GATAD1: variants seen among roughly 807,000 people sequenced by gnomAD.
The protein encoded by GATAD1 is GATA zinc finger domain containing 1.
A neutral mutation model predicts 26.5 loss-of-function variants in GATAD1; 12 were observed. The ratio of observed to expected loss-of-function variants is 0.45; its 90% confidence interval spans 0.29 to 0.73. The LOEUF (loss-of-function observed/expected upper bound fraction) is 0.73, where lower values mean the gene tolerates loss of function less well. Ranked by LOEUF, GATAD1 falls within the 30% of genes least tolerant of loss-of-function variation. GATAD1 has a pLI of 0.10. For missense variants in GATAD1, 266 were observed against 342.1 expected (o/e 0.78, Z 1.75); for synonymous variants, 129 against 133.1 (o/e 0.97, Z 0.21).
chr7:92,448,662 C>T, intron 1 of GATAD1, 90 bp from the exon 2 acceptor site: 1 of 1,000,166 alleles, frequency 1.0e-6, no homozygotes, highest in South Asian at 1.3e-5. Flanking sequence ...AAAGTACATA[C>T]TCTGGGATCC....
rs1789791506 is a variant in GATAD1 at position 92,458,679 on chromosome 7, A to G, written c.*2117A>G. The G allele has an allele frequency of 6.6e-6, 1 of 152,190 alleles. No individual in the cohort carries two copies. The highest frequency in any genetic ancestry group is 1.5e-5 in the Non-Finnish European group (1 of 68,030). The allele number at this position is 152,190 out of a possible 1,614,324, so 9.4% of individuals were successfully genotyped here. A position where few individuals can be genotyped will look rare whatever the true frequency, so the allele number is the denominator to read the frequency against. On this transcript the variant is annotated 3_prime_UTR_variant, in exon 5 of 5. Transcript: ENST00000287957. ...GCTTTAACTCTTACCCTTTTTCCAC[A>G]TAGTTATGGTGTTTGAGTTGGAAAG...
At chr7:92,448,684 T>G in intron 1 of GATAD1, 68 bp from the exon 2 acceptor site, 1 of 1,208,962 alleles carries the variant, frequency 8.3e-7, no homozygotes, top group South Asian at 1.2e-5. Flanking sequence ...TGTAAGATGA[T>G]TGTACTGCAA....
chr7:92,489,881 T>C, the GATAD1 span: 3 of 1,614,068 alleles, frequency 1.9e-6, no homozygotes, highest in Admixed American at 3.3e-5. Context: ...TCCTGAGTCA[T>C]GGAGCTTGGT....
In GATAD1 at chr7:92,456,603, C is replaced by T. The variant is rs1412503077; in HGVS notation, c.*41C>T. The T allele has an allele frequency of 4.6e-6, 6 of 1,318,358 alleles. No homozygotes were observed. Among genetic ancestry groups the T allele is most frequent in the Non-Finnish European group, 6.5e-6 (6 of 922,306 alleles). The allele number at this position is 1,318,358 out of a possible 1,614,324, so 81.7% of individuals were successfully genotyped here. On this transcript the variant is annotated 3_prime_UTR_variant, in exon 5 of 5. Coordinates refer to ENST00000287957, the MANE Select transcript of GATAD1 (RefSeq NM_021167.5). ...TGGGTTTCCAGGCCTGGTGTGGTGG[C>T]TCACGCCTGTAGCCCCAGCTATTGC...
Position 92,454,551 on chromosome 7 carries a change from A to G in GATAD1, c.485A>G (p.Asp162Gly). The G allele has an allele frequency of 2.5e-6, 4 of 1,613,132 alleles. No individual in the cohort carries two copies. Among genetic ancestry groups the G allele is most frequent in the Admixed American group, 1.7e-5 (1 of 60,024 alleles). Residue 162 changes from aspartate to glycine, a missense_variant, in exon 4 of 5, where the codon GAT becomes GGT. Asp to Gly is a moderately conservative substitution (Grantham distance 94). Transcript: ENST00000287957. The stretch of plus-strand genomic sequence containing the variant: ...GTTGTTTCTGTGATTGATGAACAAG[A>G]TGGAAAGCCCTACTATGCTCAAATC... ...GDVVSVIDEQ[D>G]GKPYYAQIRG...
the GATAD1 span, among the ~76,000 whole-genome samples, chr7:92,492,610 T>G: frequency 6.6e-6 from 1 of 152,234 alleles, no homozygotes; most frequent in Admixed American, 6.5e-5. Context: ...TTTAACTGAT[T>G]ATTTTTTAAA....
At chr7:92,449,107 C>A in intron 2 of GATAD1, 1 of 1,184,006 alleles carries the variant, frequency 8.4e-7, no homozygotes, top group Non-Finnish European at 1.1e-6. Context: ...ATTTTTTCCC[C>A]TGGAAAATAT....
chr7:92,453,514 A>G (rs1236398929), intron 3 of GATAD1, among the ~76,000 whole-genome samples: 1 of 152,236 alleles, frequency 6.6e-6, no homozygotes, highest in East Asian at 1.9e-4. Context: ...CTTGAATGCC[A>G]GAAATACTAG....
the GATAD1 span, among the ~76,000 whole-genome samples, chr7:92,473,539 C>T: frequency 3.4e-3 from 513 of 152,136 alleles, 5 homozygotes; most frequent in African/African-American, 0.011. Context: ...GGACAACAAA[C>T]GGGTGTTCCT....
At chr7:92,483,996 G>A in the GATAD1 span, among the ~76,000 whole-genome samples, 15 of 152,092 alleles carry the variant, frequency 9.9e-5, no homozygotes, top group Admixed American at 7.2e-4. Flanking sequence ...TTTGGGATGA[G>A]TCGCATTGGG....
At chr7:92,492,862 TA>T in the GATAD1 span, 2 of 1,012,934 alleles carry the variant, frequency 2.0e-6, no homozygotes, top group Non-Finnish European at 3.2e-6. Flanking sequence ...CAAAGTTGTT[TA>T]AAAAATAGCA....
chr7:92,450,505 A>G (rs887495771), intron 2 of GATAD1, 196 bp from the exon 3 acceptor site: 11 of 548,074 alleles, frequency 2.0e-5, no homozygotes. Context: ...TTTTAAGCTA[A>G]TAGTAGCAGA....
At chr7:92,494,060 T>C in the GATAD1 span, 24 of 488,104 alleles carry the variant, frequency 4.9e-5, no homozygotes, top group East Asian at 1.1e-4. Flanking sequence ...CATTTTTTTT[T>C]CCCCAATCAG....
the GATAD1 span, among the ~76,000 whole-genome samples, chr7:92,474,080 C>A: frequency 3.1e-4 from 47 of 152,012 alleles, no homozygotes; most frequent in Non-Finnish European, 2.9e-5. Context: ...TTCAATTTGC[C>A]CAGCTTTTCC....
chr7:92,495,415 T>C, the GATAD1 span, among the ~76,000 whole-genome samples: 6 of 152,174 alleles, frequency 3.9e-5, no homozygotes, highest in East Asian at 1.2e-3. Context: ...ACTTGAATGT[T>C]TGGCAAAACT....
At chr7:92,449,134 A>G (rs1399654316) in intron 2 of GATAD1, 2 of 1,164,934 alleles carry the variant, frequency 1.7e-6, no homozygotes, top group African/African-American at 1.6e-5. Flanking sequence ...TGGGTTTAAA[A>G]GAAACATCAA....
the GATAD1 span, among the ~76,000 whole-genome samples, chr7:92,473,654 T>C: frequency 2.0e-5 from 3 of 151,814 alleles, no homozygotes; most frequent in South Asian, 6.3e-4. Flanking sequence ...GTGAAAAGAA[T>C]AAAGCTCCCC....
the GATAD1 span, among the ~76,000 whole-genome samples, chr7:92,478,378 T>C: frequency 6.6e-6 from 1 of 152,082 alleles, no homozygotes; most frequent in Non-Finnish European, 1.5e-5. Context: ...AGAGGTGGTG[T>C]TGGAATGGAT....
rs1179401140 is a variant in GATAD1 at position 92,460,012 on chromosome 7, A to G, written c.*3450A>G. Among the ~76,000 whole-genome samples, 1 of 152,242 alleles carries G rather than the reference A, an allele frequency of 6.6e-6. No homozygotes were observed. Among genetic ancestry groups the G allele is most frequent in the Non-Finnish European group, 1.5e-5 (1 of 68,036 alleles). ...GATTGTTTTAAACAAGATGTTTTTAAGATGAGTTTTAAATAGTTCTCTTAA... is the reference window on the plus strand; with the variant it reads ...GATTGTTTTAAACAAGATGTTTTTAGGATGAGTTTTAAATAGTTCTCTTAA... On this transcript the variant is annotated 3_prime_UTR_variant, in exon 5 of 5. Coordinates refer to ENST00000287957, the MANE Select transcript of GATAD1 (RefSeq NM_021167.5).
Sources: allele counts gnomAD v4.1 joint callset (sites outside exome capture counted in the v4.1 genomes callset), GRCh38; gene constraint gnomAD v4.1.1; transcripts MANE v1.5; gene names NCBI Gene and HGNC (gene_info 2026-07-23, HGNC 2026-07-21).